PALD1: variants seen among roughly 807,000 people sequenced by gnomAD.
PALD1 encodes paladin.
In PALD1, 57 loss-of-function variants were observed where a neutral mutation model predicts 96.0. That is an observed-to-expected ratio of 0.59 (90% CI 0.48 to 0.74). The LOEUF (loss-of-function observed/expected upper bound fraction) is 0.74, where lower values mean the gene tolerates loss of function less well. Among genes scored for constraint, PALD1 ranks in the 30% least tolerant of loss-of-function variants. The probability of loss-of-function intolerance (pLI) is 0.00; values close to 1 mark genes in which losing one functional copy is unlikely to be tolerated. For missense variants in PALD1, 1,063 were observed against 1,143.7 expected (o/e 0.93, Z 1.02); for synonymous variants, 464 against 473.6 (o/e 0.98, Z 0.26).
In PALD1 at chr10:70,560,912, C is replaced by T. The variant is rs978160782; in HGVS notation, c.2263-3452C>T. Among the ~76,000 whole-genome samples the T allele has an allele frequency of 7.2e-5, 10 of 138,098 alleles. No homozygotes were observed. The East Asian group carries it at 2.0e-3, about 28-fold the overall frequency. The allele number at this position is 138,098 out of a possible 152,430, so 90.6% of individuals were successfully genotyped here. On this transcript the variant is annotated intron_variant, in intron 18 of 19. Transcript: ENST00000263563. Reference sequence around the variant, plus strand: ...TTTTTATCAACAGGAGGTGGCTGACCCGTCCTCCCCAGGCAGTGTGCTAAC... The same window carrying T: ...TTTTTATCAACAGGAGGTGGCTGACTCGTCCTCCCCAGGCAGTGTGCTAAC...
intron 17 of PALD1, among the ~76,000 whole-genome samples, chr10:70,546,996 A>T (rs1430966225): frequency 6.6e-6 from 1 of 152,198 alleles, no homozygotes; most frequent in Non-Finnish European, 1.5e-5. Flanking sequence ...TGGAATAACT[A>T]AAAAGGAATC....
At chr10:70,503,609 G>C (rs1010236494) in intron 1 of PALD1, among the ~76,000 whole-genome samples, 1 of 152,162 alleles carries the variant, frequency 6.6e-6, no homozygotes, top group Non-Finnish European at 1.5e-5. Flanking sequence ...ACTCCAGCCT[G>C]AGTGACAGAG....
At chr10:70,497,996 A>G (rs1846225336) in intron 1 of PALD1, among the ~76,000 whole-genome samples, 1 of 152,122 alleles carries the variant, frequency 6.6e-6, no homozygotes, top group South Asian at 2.1e-4. Context: ...GAGCATCCAT[A>G]TTGTGCACCC....
chr10:70,533,403 G>C (rs1185106144), intron 7 of PALD1, among the ~76,000 whole-genome samples: 1 of 152,040 alleles, frequency 6.6e-6, no homozygotes, highest in Non-Finnish European at 1.5e-5. Context: ...GTGTGTACCT[G>C]TATGTAGGTG....
At chr10:70,519,467 C>G (rs1846684045) in intron 1 of PALD1, among the ~76,000 whole-genome samples, 1 of 152,116 alleles carries the variant, frequency 6.6e-6, no homozygotes, top group African/African-American at 2.4e-5. Context: ...TATAAGGGCA[C>G]TGATCCCATT....
Position 70,538,263 on chromosome 10 carries a change from T to G in PALD1, c.1324-17T>G. The G allele has an allele frequency of 6.3e-7, 1 of 1,599,940 alleles. No homozygotes were observed. Among genetic ancestry groups the G allele is most frequent in the Middle Eastern group, 1.8e-4 (1 of 5,620 alleles). Reference sequence around the variant, plus strand: ...CCTGTGCCCCTGAATTCCTCGTCTCTCTGCCTCGGGCTGCAGTACCCGCTG... The same window carrying G: ...CCTGTGCCCCTGAATTCCTCGTCTCGCTGCCTCGGGCTGCAGTACCCGCTG... On this transcript the variant is annotated splice_polypyrimidine_tract_variant and intron_variant, in intron 11 of 19. Transcript: ENST00000263563.
chr10:70,474,812 C>T (rs1845802957), upstream of PALD1, among the ~76,000 whole-genome samples: 1 of 152,106 alleles, frequency 6.6e-6, no homozygotes, highest in Non-Finnish European at 1.5e-5. Context: ...GATAACTGAA[C>T]ATGTATCCTG....
At position 70,552,242 on chromosome 10, in the gene PALD1, G is replaced by A. The variant is rs117485020; in HGVS notation, c.2262+4796G>A. 6.8e-3 allele frequency among the ~76,000 whole-genome samples: 1,043 copies of A among 152,272 alleles called. 6 individuals carry two copies. The highest frequency in any genetic ancestry group is 0.034 in the Middle Eastern group (10 of 294). ...TTTGCTGAGGAGCCCTTACATCATC[G>A]CATTCCGTGTTCACATTCCATGCAG... On this transcript the variant is annotated intron_variant, in intron 18 of 19. Coordinates refer to ENST00000263563, the MANE Select transcript of PALD1 (RefSeq NM_014431.3).
intron 1 of PALD1, among the ~76,000 whole-genome samples, chr10:70,483,078 A>G (rs570084044): frequency 6.2e-4 from 95 of 152,192 alleles, no homozygotes; most frequent in African/African-American, 2.2e-3. Flanking sequence ...AGTGAGGTAC[A>G]TGCAGACACC....
intron 1 of PALD1, among the ~76,000 whole-genome samples, chr10:70,513,009 G>T (rs996881022): frequency 6.6e-6 from 1 of 152,180 alleles, no homozygotes; most frequent in African/African-American, 2.4e-5. Flanking sequence ...TCCTGAGACC[G>T]ACCCCTTTTT....
chr10:70,505,644 CAAAAA>C (rs1474830251), intron 1 of PALD1, among the ~76,000 whole-genome samples: 8 of 101,990 alleles, frequency 7.8e-5, no homozygotes, highest in African/African-American at 1.1e-4. Context: ...CAAAACAAAA[CAAAAA>C]AACAAATCAG....
rs773117652 is a variant in PALD1, at chr10:70,531,466, T to A, written c.633+12T>A. The A allele has an allele frequency of 1.9e-6, 3 of 1,607,732 alleles. No homozygotes were observed. The highest frequency in any genetic ancestry group is 1.7e-6 in the Non-Finnish European group (2 of 1,175,840). On this transcript the variant is annotated intron_variant, in intron 5 of 19. Transcript: ENST00000263563. ...CCATCCGGAAAGAGGTGAGGACCAG[T>A]GCGGTGTGCGGGAGACCCCAGCCCA... is the stretch of plus-strand genomic sequence containing the variant.
chr10:70,542,859 A>C (rs565601440), intron 17 of PALD1, among the ~76,000 whole-genome samples: 5 of 152,298 alleles, frequency 3.3e-5, no homozygotes, highest in African/African-American at 1.2e-4. Flanking sequence ...TGTTTGCCGC[A>C]GTATATGCAC....
rs1187755883 is a variant in PALD1, at chr10:70,539,488, G to A, written c.1726-92G>A. 7 of 1,246,244 alleles carry A rather than the reference G, an allele frequency of 5.6e-6. No individual in the cohort carries two copies. The African/African-American group carries it at 1.1e-4, about 19-fold the overall frequency. 77.2% of individuals were successfully genotyped at this position (1,246,244 alleles called of 1,614,324 possible). On this transcript the variant is annotated intron_variant, in intron 14 of 19. Transcript: ENST00000263563. This position sits in a 1 kb window ranked among gnomAD's most constrained non-coding sequence, Gnocchi z 4.5. ...GGGTCAGGGATGGGACTGGAAGCCAGGGCCAGGCCTGGCCATGGCAGGCTG... is the reference window on the plus strand; with the variant it reads ...GGGTCAGGGATGGGACTGGAAGCCAAGGCCAGGCCTGGCCATGGCAGGCTG...
intron 17 of PALD1, 144 bp from the exon 18 acceptor site, chr10:70,547,162 G>T: frequency 1.4e-6 from 1 of 719,230 alleles, no homozygotes; most frequent in Non-Finnish European, 2.5e-6. Flanking sequence ...CCCTCAGTCT[G>T]AGAACTGAGG....
At chr10:70,547,897 A>G (rs1847401614) in intron 18 of PALD1, among the ~76,000 whole-genome samples, 1 of 152,092 alleles carries the variant, frequency 6.6e-6, no homozygotes, top group Non-Finnish European at 1.5e-5. Context: ...ACTAGCACGG[A>G]GGCTGTCATC....
chr10:70,490,392 A>G (rs1230621086), intron 1 of PALD1, among the ~76,000 whole-genome samples: 3 of 152,106 alleles, frequency 2.0e-5, no homozygotes, highest in Non-Finnish European at 2.9e-5. Context: ...CGGCTAATTT[A>G]AAAGTTTTTT....
At chr10:70,552,443 G>A (rs1847501660) in intron 18 of PALD1, among the ~76,000 whole-genome samples, 1 of 152,164 alleles carries the variant, frequency 6.6e-6, no homozygotes, top group South Asian at 2.1e-4. Flanking sequence ...TACTGAATGA[G>A]TCAAAACTTA....
intron 10 of PALD1, among the ~76,000 whole-genome samples, chr10:70,537,501 G>A (rs996310134): frequency 1.3e-5 from 2 of 152,200 alleles, no homozygotes; most frequent in African/African-American, 2.4e-5. Flanking sequence ...GTTGGGTGTC[G>A]CTGGAGCTAA....
Sources: gnomAD v4.1 joint callset for allele counts (sites outside exome capture counted in the v4.1 genomes callset) on GRCh38, gnomAD v4.1.1 for gene constraint, Gnocchi (gnomAD v3.1) non-coding constraint, MANE v1.5 for transcripts, NCBI Gene and HGNC (gene_info 2026-07-23, HGNC 2026-07-21) for gene names.